The following RGS12 variants were observed in gnomAD, a reference collection of about 807,000 sequenced individuals.
RGS12 encodes the protein regulator of G protein signaling 12, also known as regulator of G-protein signaling 12.
In RGS12, 66 loss-of-function variants were observed where a neutral mutation model predicts 120.1. That is an observed-to-expected ratio of 0.55 (90% CI 0.45 to 0.67). The LOEUF is 0.67. Among genes scored for constraint, RGS12 ranks in the 30% least tolerant of loss-of-function variants. The probability of loss-of-function intolerance (pLI) is 0.00; values close to 1 mark genes in which losing one functional copy is unlikely to be tolerated. For missense variants in RGS12, 1,859 were observed against 1,957.7 expected (o/e 0.95, Z 0.95); for synonymous variants, 827 against 804.7 (o/e 1.03, Z -0.47).
At chr4:3,346,449 C>G (rs894463691) in intron 3 of RGS12, among the ~76,000 whole-genome samples, 3 of 152,136 alleles carry the variant, frequency 2.0e-5, no homozygotes, top group African/African-American at 7.2e-5. Flanking sequence ...GCTTCTAGTC[C>G]TGTCTTGTGG....
intron 2 of RGS12, among the ~76,000 whole-genome samples, chr4:3,338,023 A>G (rs1478459457): frequency 2.0e-5 from 3 of 152,168 alleles, no homozygotes; most frequent in Non-Finnish European, 4.4e-5. Flanking sequence ...TCTTACGCCA[A>G]AATGATTCTT....
chr4:3,415,581 G>A (rs1461122335), intron 6 of RGS12, among the ~76,000 whole-genome samples: 4 of 152,188 alleles, frequency 2.6e-5, no homozygotes, highest in Admixed American at 1.3e-4. Context: ...GCCCGGCCTG[G>A]CTGCTGTTTC....
intron 3 of RGS12, among the ~76,000 whole-genome samples, chr4:3,343,931 C>A (rs1222407565): frequency 6.6e-6 from 1 of 152,218 alleles, no homozygotes; most frequent in African/African-American, 2.4e-5. Context: ...AGTCCTTTTA[C>A]TTGTTGTATG....
At chr4:3,394,785 A>C (rs1340555531) in intron 4 of RGS12, among the ~76,000 whole-genome samples, 1 of 152,222 alleles carries the variant, frequency 6.6e-6, no homozygotes, top group Non-Finnish European at 1.5e-5. Flanking sequence ...GAACATTACC[A>C]GCAGCCCAAG....
In RGS12 at chr4:3,316,857, G is replaced by A. The variant is rs369366966; in HGVS notation, c.687G>A (p.Ala229=). 5.0e-6 allele frequency: 8 copies of A among 1,614,164 alleles called. No homozygotes were observed. Among genetic ancestry groups the A allele is most frequent in the Admixed American group, 1.7e-5 (1 of 60,030 alleles). Residue 229 remains alanine, a synonymous_variant, in exon 2 of 18, where the codon GCG becomes GCA. Coordinates refer to ENST00000336727, the MANE Select transcript of RGS12 (RefSeq NM_001394154.1). ...FALDASILNV[A]MIVGYLGSIE... is the part of the protein sequence containing the mutation. ...TGGATGCAAGTATTTTAAACGTGGC[G>A]ATGATCGTGGGCTACTTAGGCTCCA...
intron 4 of RGS12, among the ~76,000 whole-genome samples, chr4:3,394,046 A>G (rs1719797872): frequency 6.6e-6 from 1 of 152,232 alleles, no homozygotes; most frequent in African/African-American, 2.4e-5. Context: ...GGTGAAGTGC[A>G]GAGACCAAGC....
chr4:3,355,870 GAATT>G (rs891259147), intron 3 of RGS12, among the ~76,000 whole-genome samples: 4 of 147,074 alleles, frequency 2.7e-5, no homozygotes, highest in African/African-American at 1.0e-4. Flanking sequence ...TTATTAAAAT[GAATT>G]AATTCAACAA....
rs188090816 is a variant in RGS12 at position 3,304,841 on chromosome 4, C to T, written c.-101-11229C>T. 6.6e-5 allele frequency among the ~76,000 whole-genome samples: 10 copies of T among 152,356 alleles called. No individual in the cohort carries two copies. The East Asian group carries it at 1.2e-3, about 18-fold the overall frequency. On this transcript the variant is annotated intron_variant, in intron 1 of 17. Transcript: ENST00000336727. ...ACGACCCTGGAGCTATTTTGCATCA[C>T]GTGGCACGTTGGTTCGCTGCCGCTG...
At chr4:3,386,045 T>C (rs1041659133) in intron 3 of RGS12, 3 of 274,610 alleles carry the variant, frequency 1.1e-5, no homozygotes, top group Non-Finnish European at 2.0e-5. Flanking sequence ...TCACGGCACG[T>C]GGGCACTGAG....
At chr4:3,343,831 C>G (rs1211113218) in intron 3 of RGS12, among the ~76,000 whole-genome samples, 1 of 152,144 alleles carries the variant, frequency 6.6e-6, no homozygotes, top group Non-Finnish European at 1.5e-5. Context: ...AAATTTTATA[C>G]AGGTGCAGCT....
chr4:3,431,964 G>A, intron 17 of RGS12: 1 of 985,466 alleles, frequency 1.0e-6, no homozygotes, highest in Non-Finnish European at 1.2e-6. Flanking sequence ...GAGGCCACGT[G>A]TGGCATGGGA....
chr4:3,430,280 C>T, intron 16 of RGS12, 127 bp from the exon 17 acceptor site: 2 of 824,038 alleles, frequency 2.4e-6, no homozygotes, highest in East Asian at 2.4e-5. Context: ...GAAAAGGGCT[C>T]TTGTTGACCC....
rs116679426 is a variant in RGS12 at position 3,438,771 on chromosome 4, G to C, written c.4115-684G>C. 3.5e-3 allele frequency among the ~76,000 whole-genome samples: 537 copies of C among 152,232 alleles called. 5 individuals are homozygous for C. The highest frequency in any genetic ancestry group is 0.012 in the African/African-American group (502 of 41,556). On this transcript the variant is annotated intron_variant, in intron 17 of 17. Transcript: ENST00000336727. ...CGGTTCAGGCAGCCGGGATCTCCTG[G>C]GGCTGGAGTGGGCATTGGAGCCAGA...
chr4:3,383,977 C>T (rs559836431), intron 3 of RGS12, among the ~76,000 whole-genome samples: 2 of 152,324 alleles, frequency 1.3e-5, no homozygotes, highest in South Asian at 4.1e-4. Flanking sequence ...GTTCGGCCTG[C>T]CAGATTCTGA....
intron 4 of RGS12, among the ~76,000 whole-genome samples, chr4:3,399,610 A>G (rs141220533): frequency 1.3e-5 from 2 of 152,394 alleles, no homozygotes; most frequent in African/African-American, 2.4e-5. Context: ...TTAGGAAAAT[A>G]TAAATGATCA....
intron 3 of RGS12, among the ~76,000 whole-genome samples, chr4:3,353,644 C>T (rs964661865): frequency 6.6e-6 from 1 of 152,100 alleles, no homozygotes; most frequent in Non-Finnish European, 1.5e-5. Flanking sequence ...CTTGACTTTT[C>T]CAGCTTAGTA....
chr4:3,429,368 G>C (rs570030522), intron 16 of RGS12, among the ~76,000 whole-genome samples: 1 of 152,248 alleles, frequency 6.6e-6, no homozygotes, highest in Non-Finnish European at 1.5e-5. Flanking sequence ...CATCCAGGGC[G>C]TACTTGCCAG....
At chr4:3,342,226 A>G (rs528619694) in intron 2 of RGS12, among the ~76,000 whole-genome samples, 1 of 152,246 alleles carries the variant, frequency 6.6e-6, no homozygotes, top group African/African-American at 2.4e-5. Flanking sequence ...TAGGATTCCA[A>G]GTCCTCAGGA....
intron 3 of RGS12, among the ~76,000 whole-genome samples, chr4:3,356,050 A>ATTTT (rs35966486): frequency 1.6e-5 from 2 of 123,442 alleles, no homozygotes; most frequent in Non-Finnish European, 3.3e-5. Flanking sequence ...ATCTTTTTCA[A>ATTTT]TTTTTTTTTT....
Sources: allele counts gnomAD v4.1 joint callset (sites outside exome capture counted in the v4.1 genomes callset), GRCh38; gene constraint gnomAD v4.1.1; transcripts MANE v1.5; gene names NCBI Gene and HGNC (gene_info 2026-07-23, HGNC 2026-07-21).